ROBO1: variants seen among roughly 807,000 people sequenced by gnomAD.
The protein encoded by ROBO1 is roundabout guidance receptor 1, also known as roundabout homolog 1.
ROBO1 carries 149 observed loss-of-function variants against 195.9 expected under a neutral mutation model. That is an observed-to-expected ratio of 0.76 (90% CI 0.67 to 0.87). The LOEUF (loss-of-function observed/expected upper bound fraction) is 0.87. Among genes scored for constraint, ROBO1 ranks in the 40% least tolerant of loss-of-function variants. The pLI is 0.00. For missense variants in ROBO1, 1,933 were observed against 2,068.3 expected (o/e 0.93, Z 1.27); for synonymous variants, 816 against 733.2 (o/e 1.11, Z -1.82).
At chr3:79,683,004 T>G (rs1447284351) in intron 1 of ROBO1, among the ~76,000 whole-genome samples, 3 of 152,004 alleles carry the variant, frequency 2.0e-5, no homozygotes, top group Non-Finnish European at 4.4e-5. Context: ...AGCAATAGTT[T>G]TAGAAGTATT....
intron 2 of ROBO1, among the ~76,000 whole-genome samples, chr3:79,508,259 A>T (rs1423790808): frequency 4.0e-5 from 6 of 150,808 alleles, no homozygotes; most frequent in Non-Finnish European, 8.9e-5. Context: ...ATAATAATAA[A>T]AATCAAAAAG....
At chr3:79,420,668 A>G (rs1478839130) in intron 2 of ROBO1, among the ~76,000 whole-genome samples, 1 of 152,174 alleles carries the variant, frequency 6.6e-6, no homozygotes, top group East Asian at 1.9e-4. Context: ...AATAGAATGC[A>G]GTGAAAGCAA....
intron 2 of ROBO1, among the ~76,000 whole-genome samples, chr3:79,258,274 AT>A (rs757435211): frequency 5.3e-5 from 8 of 152,048 alleles, no homozygotes; most frequent in South Asian, 4.1e-4. Flanking sequence ...GCTATCAATT[AT>A]TTTTTTCTCA....
chr3:79,367,389 T>G (rs1486351108), intron 2 of ROBO1, among the ~76,000 whole-genome samples: 3 of 152,200 alleles, frequency 2.0e-5, no homozygotes, highest in Non-Finnish European at 4.4e-5. Flanking sequence ...TAGAATTCCC[T>G]GAAGCTTATC....
intron 18 of ROBO1, among the ~76,000 whole-genome samples, chr3:78,656,345 ATTTTTTTTTTT>A (rs5850382): frequency 1.1e-5 from 1 of 88,640 alleles, no homozygotes; most frequent in Admixed American, 1.3e-4. Context: ...TGCTTATTTG[ATTTTTTTTTTT>A]TTTTTTTTTT....
At chr3:79,200,876 C>T (rs2081750160) in intron 2 of ROBO1, among the ~76,000 whole-genome samples, 1 of 151,830 alleles carries the variant, frequency 6.6e-6, no homozygotes, top group Non-Finnish European at 1.5e-5. Context: ...AATGACTGTG[C>T]TTTGCATTTT....
chr3:79,323,373 C>G (rs1576975020), intron 2 of ROBO1, among the ~76,000 whole-genome samples: 2 of 152,258 alleles, frequency 1.3e-5, no homozygotes, highest in East Asian at 3.9e-4. Flanking sequence ...AGCTGCCATG[C>G]CTGGCCTAAA....
chr3:79,344,276 C>G (rs777241740), intron 2 of ROBO1, among the ~76,000 whole-genome samples: 3 of 152,058 alleles, frequency 2.0e-5, no homozygotes, highest in Non-Finnish European at 2.9e-5. Flanking sequence ...CATTCCGTAA[C>G]ATTTGGAGAC....
At position 79,137,005 on chromosome 3, in the gene ROBO1, T is replaced by C. The variant is rs527291538; in HGVS notation, c.89-11466A>G. On this transcript the variant is annotated intron_variant, in intron 2 of 30. Transcript: ENST00000464233. ...CACTAAATATTGAATAAATTATTTT[T>C]AAAGCAGCAATATGAGAACAGAAAA... 3.9e-4 allele frequency among the ~76,000 whole-genome samples: 60 copies of C among 152,226 alleles called. No homozygotes were observed. The South Asian group carries it at 6.8e-3, about 17-fold the overall frequency.
At chr3:79,735,990 TA>T (rs1295717846) in intron 1 of ROBO1, among the ~76,000 whole-genome samples, 1 of 152,150 alleles carries the variant, frequency 6.6e-6, no homozygotes, top group African/African-American at 2.4e-5. Flanking sequence ...AATAAGAAGT[TA>T]AAAAAGAAAA....
chr3:79,643,539 G>C (rs1945729947), intron 1 of ROBO1, among the ~76,000 whole-genome samples: 1 of 152,118 alleles, frequency 6.6e-6, no homozygotes, highest in Non-Finnish European at 1.5e-5. Context: ...ACAATACCAA[G>C]TCAAAATGTG....
intron 4 of ROBO1, among the ~76,000 whole-genome samples, chr3:78,753,680 C>G (rs567792858): frequency 6.6e-6 from 1 of 152,212 alleles, no homozygotes; most frequent in Non-Finnish European, 1.5e-5. Context: ...CTCTCCTTCC[C>G]CTTGCCCTTC....
At chr3:78,987,415 A>AAAAT (rs1367224978) in intron 3 of ROBO1, among the ~76,000 whole-genome samples, 3 of 152,134 alleles carry the variant, frequency 2.0e-5, no homozygotes, top group African/African-American at 7.2e-5. Context: ...TATCAGCAAT[A>AAAAT]AAATACAGGG....
chr3:79,060,014 A>G (rs2078885969), intron 3 of ROBO1, among the ~76,000 whole-genome samples: 2 of 151,998 alleles, frequency 1.3e-5, no homozygotes, highest in Non-Finnish European at 2.9e-5. Flanking sequence ...TATTTTCCTC[A>G]GCAAGGAGTA....
At chr3:78,844,876 G>C (rs113894751) in intron 4 of ROBO1, among the ~76,000 whole-genome samples, 1 of 152,018 alleles carries the variant, frequency 6.6e-6, no homozygotes, top group East Asian at 1.9e-4. Flanking sequence ...GCAGTCTCTA[G>C]AAAATGAGGG....
At chr3:79,029,737 A>G (rs1336949366) in intron 3 of ROBO1, among the ~76,000 whole-genome samples, 1 of 152,242 alleles carries the variant, frequency 6.6e-6, no homozygotes, top group African/African-American at 2.4e-5. Context: ...TTTAAGTTTC[A>G]GATCAAAGTC....
chr3:79,335,394 G>A (rs978560017), intron 2 of ROBO1, among the ~76,000 whole-genome samples: 21 of 152,088 alleles, frequency 1.4e-4, no homozygotes, highest in African/African-American at 5.1e-4. Context: ...GAAGTGTCAA[G>A]GGCGGGACCA....
intron 1 of ROBO1, among the ~76,000 whole-genome samples, chr3:79,639,383 G>T (rs1025279970): frequency 1.3e-5 from 2 of 152,048 alleles, no homozygotes; most frequent in Non-Finnish European, 2.9e-5. Context: ...GTTTTGAAGT[G>T]AGTAAAATAT....
chr3:78,601,820 C>T (rs1703188790), intron 29 of ROBO1, among the ~76,000 whole-genome samples: 1 of 152,114 alleles, frequency 6.6e-6, no homozygotes, highest in African/African-American at 2.4e-5. Flanking sequence ...AGCCTTGTGT[C>T]CCTGGACTTC....
Sources: gnomAD v4.1 joint callset for allele counts (sites outside exome capture counted in the v4.1 genomes callset) on GRCh38, gnomAD v4.1.1 for gene constraint, MANE v1.5 for transcripts, NCBI Gene and HGNC (gene_info 2026-07-23, HGNC 2026-07-21) for gene names.